ALMS1: variants seen among roughly 807,000 people sequenced by gnomAD.
The protein encoded by ALMS1 is ALMS1 centrosome and basal body associated protein.
In ALMS1, 271 loss-of-function variants were observed where a neutral mutation model predicts 352.2. The observed-to-expected ratio is 0.77, with a 90% CI of 0.70 to 0.85. ALMS1 has a LOEUF of 0.85. Ranked by LOEUF, ALMS1 falls within the 40% of genes least tolerant of loss-of-function variation. The probability of loss-of-function intolerance (pLI) is 0.00; values close to 1 mark genes in which losing one functional copy is unlikely to be tolerated. For missense variants in ALMS1, 5,445 were observed against 4,870.7 expected (o/e 1.12, Z -3.51); for synonymous variants, 1,865 against 1,761.2 (o/e 1.06, Z -1.48).
rs546372309 is a variant in ALMS1 at position 73,590,164 on chromosome 2, G to A, written c.11548-9237G>A. Among the ~76,000 whole-genome samples, 11 of 151,776 alleles carry A rather than the reference G, an allele frequency of 7.2e-5. No individual in the cohort carries two copies. In the South Asian group the frequency reaches 1.5e-3, roughly 20 times the overall value. ...CAGTGCTTTCAACCAGAATACATTC[G>A]TTTGTTCATTCATCCAAACATAATT... On this transcript the variant is annotated intron_variant, in intron 16 of 22. Transcript: ENST00000613296.
intron 1 of ALMS1, among the ~76,000 whole-genome samples, chr2:73,390,559 T>C (rs1366297710): frequency 6.6e-6 from 1 of 152,228 alleles, no homozygotes; most frequent in Non-Finnish European, 1.5e-5. Context: ...ACCAGTCTTA[T>C]AACTAAGTCT....
intron 9 of ALMS1, among the ~76,000 whole-genome samples, chr2:73,480,300 C>T (rs1303038722): frequency 6.6e-6 from 1 of 151,672 alleles, no homozygotes; most frequent in Non-Finnish European, 1.5e-5. Context: ...TTGTTCAATT[C>T]CCACCTATGA....
At chr2:73,524,335 T>C (rs1406992849) in intron 11 of ALMS1, among the ~76,000 whole-genome samples, 1 of 152,250 alleles carries the variant, frequency 6.6e-6, no homozygotes, top group Non-Finnish European at 1.5e-5. Flanking sequence ...ATGAGCTATT[T>C]TGATATAGGC....
intron 2 of ALMS1, among the ~76,000 whole-genome samples, chr2:73,414,396 T>C (rs949242291): frequency 6.6e-6 from 1 of 151,666 alleles, no homozygotes; most frequent in African/African-American, 2.4e-5. Flanking sequence ...ATATTTCCTT[T>C]AGGACTTTAT....
intron 12 of ALMS1, among the ~76,000 whole-genome samples, chr2:73,537,183 TATC>T (rs2103996668): frequency 6.6e-6 from 1 of 152,314 alleles, no homozygotes; most frequent in African/African-American, 2.4e-5. Context: ...AGTATTTTAA[TATC>T]ATAATGGCTG....
intron 9 of ALMS1, among the ~76,000 whole-genome samples, chr2:73,480,233 C>G (rs1013972760): frequency 1.3e-5 from 2 of 152,034 alleles, no homozygotes; most frequent in African/African-American, 2.4e-5. Context: ...CCACTCCCCC[C>G]ACCCCACCAC....
At position 73,519,909 on chromosome 2, in the gene ALMS1, G is replaced by A. The variant is rs765685958; in HGVS notation, c.9674G>A (p.Arg3225His). 8 of 1,614,090 alleles carry A rather than the reference G, an allele frequency of 5.0e-6. No individual in the cohort carries two copies. The highest frequency in any genetic ancestry group is 1.6e-4 in the Middle Eastern group (1 of 6,062). The change falls in exon 11 of 23, where the codon CGT becomes CAT. Residue 3225 changes from arginine to histidine, a missense_variant. Coordinates refer to ENST00000613296, the MANE Select transcript of ALMS1 (RefSeq NM_001378454.1). ...SSEIFINAED[R>H]GHEIIEPGNQ... Reference sequence around the variant, plus strand: ...GAGATTTTTATTAATGCTGAAGATCGTGGACATGAAATTATAGAGCCTGGT... The same window carrying A: ...GAGATTTTTATTAATGCTGAAGATCATGGACATGAAATTATAGAGCCTGGT...
At chr2:73,559,254 ATTCCT>A (rs1452514547) in intron 15 of ALMS1, 112 bp downstream of exon 15, 1 of 1,364,824 alleles carries the variant, frequency 7.3e-7, no homozygotes, top group Admixed American at 2.2e-5. Flanking sequence ...TTAAACAAAA[ATTCCT>A]TTTCTTTTTT....
chr2:73,474,779 A>G (rs1187108987), intron 9 of ALMS1, among the ~76,000 whole-genome samples: 1 of 152,160 alleles, frequency 6.6e-6, no homozygotes, highest in African/African-American at 2.4e-5. Context: ...CAGTAATTTC[A>G]TAACATCTTT....
At chr2:73,548,342 A>G (rs1193142648) in intron 12 of ALMS1, among the ~76,000 whole-genome samples, 1 of 152,224 alleles carries the variant, frequency 6.6e-6, no homozygotes, top group Non-Finnish European at 1.5e-5. Flanking sequence ...CGCACATACT[A>G]TAGCTATGCA....
chr2:73,550,135 C>G (rs555994246), intron 12 of ALMS1, 132 bp from the exon 13 acceptor site: 5 of 875,306 alleles, frequency 5.7e-6, no homozygotes, highest in Non-Finnish European at 7.0e-6. Context: ...GCTGGGATTA[C>G]AGGCATGAGC....
intron 16 of ALMS1, among the ~76,000 whole-genome samples, chr2:73,598,463 T>C (rs1675598984): frequency 1.3e-5 from 2 of 152,238 alleles, no homozygotes; most frequent in Admixed American, 1.3e-4. Context: ...ATCAAAGTAT[T>C]TCCTTTCTTC....
intron 21 of ALMS1, among the ~76,000 whole-genome samples, chr2:73,606,283 AC>A (rs1338350707): frequency 6.6e-6 from 1 of 152,252 alleles, no homozygotes; most frequent in Non-Finnish European, 1.5e-5. Flanking sequence ...GATAAAACCT[AC>A]ATTGGGATCT....
intron 10 of ALMS1, among the ~76,000 whole-genome samples, chr2:73,508,907 G>T (rs1673392067): frequency 6.6e-6 from 1 of 152,162 alleles, no homozygotes; most frequent in South Asian, 2.1e-4. Context: ...GGGTGCTCTT[G>T]TATTGGGTGC....
intron 16 of ALMS1, among the ~76,000 whole-genome samples, chr2:73,598,066 G>C (rs1675590014): frequency 6.6e-6 from 1 of 152,196 alleles, no homozygotes; most frequent in Admixed American, 6.5e-5. Context: ...AATGCAAGAT[G>C]TACCACTCAG....
intron 9 of ALMS1, among the ~76,000 whole-genome samples, chr2:73,465,516 T>A (rs1352418651): frequency 6.6e-6 from 1 of 152,066 alleles, no homozygotes; most frequent in Admixed American, 6.6e-5. Flanking sequence ...TACATGTTAG[T>A]CCGAAAACTG....
chr2:73,461,431 A>G (rs925194153), intron 9 of ALMS1, among the ~76,000 whole-genome samples: 5 of 152,220 alleles, frequency 3.3e-5, no homozygotes, highest in African/African-American at 1.2e-4. Flanking sequence ...AACAGAAAGG[A>G]CATCCACACC....
At chr2:73,554,251 G>A (rs1031102286) in intron 13 of ALMS1, among the ~76,000 whole-genome samples, 6 of 151,826 alleles carry the variant, frequency 4.0e-5, no homozygotes, top group Non-Finnish European at 7.4e-5. Flanking sequence ...AAAATTAAAG[G>A]TAGATACAAG....
At chr2:73,386,330 T>A (rs1670530371) in intron 1 of ALMS1, 138 bp downstream of exon 1, 1 of 1,239,052 alleles carries the variant, frequency 8.1e-7, no homozygotes, top group Non-Finnish European at 1.1e-6. Context: ...CGGCCCAGAC[T>A]CCAGCCCAGG....
Sources: gnomAD v4.1 joint callset for allele counts (sites outside exome capture counted in the v4.1 genomes callset) on GRCh38, gnomAD v4.1.1 for gene constraint, MANE v1.5 for transcripts, NCBI Gene and HGNC (gene_info 2026-07-23, HGNC 2026-07-21) for gene names.